KCNAB1: variants seen among roughly 807,000 people sequenced by gnomAD.
KCNAB1 encodes voltage-gated potassium channel subunit beta-1.
Under a neutral mutation model 64.6 loss-of-function variants are expected in KCNAB1, and 35 were observed. That is an observed-to-expected ratio of 0.54 (90% CI 0.41 to 0.72). The LOEUF (loss-of-function observed/expected upper bound fraction) is 0.72, where lower values mean the gene tolerates loss of function less well. KCNAB1 is among the 30% of genes least tolerant of loss of function. The pLI is 0.00. For missense variants in KCNAB1, 401 were observed against 512.9 expected, an observed-to-expected ratio of 0.78 and a Z score of 2.11; for synonymous variants, 177 against 183.8, an observed-to-expected ratio of 0.96 and a Z score of 0.30.
intron 2 of KCNAB1, among the ~76,000 whole-genome samples, chr3:156,442,182 T>C (rs1009929894): frequency 2.6e-5 from 4 of 152,244 alleles, no homozygotes; most frequent in African/African-American, 4.8e-5. Context: ...TTTAAGTTAC[T>C]ACATATCATG....
At chr3:156,345,062 G>GTTTATTTATT (rs1314566376) in intron 1 of KCNAB1, among the ~76,000 whole-genome samples, 1 of 152,156 alleles carries the variant, frequency 6.6e-6, no homozygotes, top group African/African-American at 2.4e-5. Context: ...TTATTTACTT[G>GTTTATTTATT]TACCTTAATT....
chr3:156,141,711 A>C (rs1714717613), intron 1 of KCNAB1, among the ~76,000 whole-genome samples: 1 of 152,258 alleles, frequency 6.6e-6, no homozygotes, highest in African/African-American at 2.4e-5. Flanking sequence ...TATTATGAAT[A>C]AAGATGTTAT....
intron 1 of KCNAB1, among the ~76,000 whole-genome samples, chr3:156,140,434 T>A (rs58648106): frequency 0.024 from 3,703 of 152,266 alleles, 167 homozygotes; most frequent in African/African-American, 0.084. Context: ...CTCTTCCCGG[T>A]TGAAGGGCCG....
chr3:156,143,791 T>A (rs994255370), intron 1 of KCNAB1, among the ~76,000 whole-genome samples: 18 of 151,460 alleles, frequency 1.2e-4, no homozygotes, highest in Non-Finnish European at 2.7e-4. Context: ...AGTAGAATTT[T>A]TTTTTTTAAT....
At chr3:156,121,626 T>C (rs1275374459) in intron 1 of KCNAB1, among the ~76,000 whole-genome samples, 2 of 152,068 alleles carry the variant, frequency 1.3e-5, no homozygotes, top group African/African-American at 4.8e-5. Flanking sequence ...CTATAATTTG[T>C]GCAAAAAATC....
chr3:156,137,797 C>T (rs1453328181), intron 1 of KCNAB1, among the ~76,000 whole-genome samples: 2 of 151,274 alleles, frequency 1.3e-5, no homozygotes, highest in Admixed American at 6.6e-5. Flanking sequence ...CTCAGATGAT[C>T]CACCTACCTC....
At chr3:156,274,106 C>T (rs1719193822) in intron 1 of KCNAB1, among the ~76,000 whole-genome samples, 1 of 152,074 alleles carries the variant, frequency 6.6e-6, no homozygotes, top group Admixed American at 6.5e-5. Context: ...ATAGATGATA[C>T]ACAAAGAGGA....
rs151316026 is a variant in KCNAB1 at position 156,208,864 on chromosome 3, G to A, written c.275+87978G>A. ...CCTCACTCATTCATACCTATTGGAA[G>A]TGGCCATCAGGCTTAATGAGAAATC... On this transcript the variant is annotated intron_variant, in intron 1 of 13. Coordinates refer to ENST00000490337, the MANE Select transcript of KCNAB1 (RefSeq NM_172160.3). Among the ~76,000 whole-genome samples, 423 of 152,302 alleles carry A rather than the reference G, an allele frequency of 2.8e-3. 3 individuals carry two copies. Among genetic ancestry groups the A allele is most frequent in the African/African-American group, 9.4e-3 (391 of 41,562 alleles).
At chr3:156,336,320 C>T (rs1723706807) in intron 1 of KCNAB1, among the ~76,000 whole-genome samples, 1 of 152,106 alleles carries the variant, frequency 6.6e-6, no homozygotes, top group Admixed American at 6.5e-5. Flanking sequence ...TGAGATCGTA[C>T]CACTGCACTC....
At chr3:156,506,363 C>T (rs376570446) in intron 8 of KCNAB1, among the ~76,000 whole-genome samples, 7 of 152,084 alleles carry the variant, frequency 4.6e-5, no homozygotes, top group South Asian at 2.1e-4. Context: ...CTGTTCAGAG[C>T]CTTTGGACTT....
intron 1 of KCNAB1, among the ~76,000 whole-genome samples, chr3:156,265,552 C>G (rs962675305): frequency 6.6e-6 from 1 of 152,206 alleles, no homozygotes; most frequent in Non-Finnish European, 1.5e-5. Context: ...ACTGCTGTCC[C>G]TGGGAAAAGG....
intron 1 of KCNAB1, among the ~76,000 whole-genome samples, chr3:156,124,430 TG>T (rs1713530818): frequency 6.6e-6 from 1 of 152,082 alleles, no homozygotes; most frequent in African/African-American, 2.4e-5. Context: ...TTGGCCAGGC[TG>T]GTCTTGAACT....
chr3:156,352,498 GA>G (rs1350927355), intron 1 of KCNAB1, among the ~76,000 whole-genome samples: 1 of 152,200 alleles, frequency 6.6e-6, no homozygotes, highest in African/African-American at 2.4e-5. Flanking sequence ...TCACACAGTT[GA>G]AAAGGACTTT....
chr3:156,324,159 T>A (rs989897569), intron 1 of KCNAB1, among the ~76,000 whole-genome samples: 1 of 152,148 alleles, frequency 6.6e-6, no homozygotes, highest in Admixed American at 6.5e-5. Context: ...TCTGAATTAA[T>A]AGAAAAATTG....
At chr3:156,391,781 A>G (rs927488862) in intron 1 of KCNAB1, among the ~76,000 whole-genome samples, 2 of 152,218 alleles carry the variant, frequency 1.3e-5, no homozygotes, top group Non-Finnish European at 2.9e-5. Context: ...AGCAATCCCA[A>G]CTGTATTTAC....
chr3:156,359,227 A>G (rs1436018815), intron 1 of KCNAB1, among the ~76,000 whole-genome samples: 3 of 152,206 alleles, frequency 2.0e-5, no homozygotes, highest in African/African-American at 7.2e-5. Flanking sequence ...GATTTTTTCC[A>G]GTGGTCACTC....
intron 1 of KCNAB1, among the ~76,000 whole-genome samples, chr3:156,236,380 G>A (rs1412588896): frequency 1.3e-5 from 2 of 152,172 alleles, no homozygotes; most frequent in Admixed American, 6.5e-5. Flanking sequence ...AGATTTGCAA[G>A]AACATGGATT....
intron 1 of KCNAB1, among the ~76,000 whole-genome samples, chr3:156,281,069 T>C (rs1203944564): frequency 6.6e-6 from 1 of 151,736 alleles, no homozygotes; most frequent in African/African-American, 2.4e-5. Context: ...GCCTCCAGTT[T>C]TTGCCCATTC....
intron 1 of KCNAB1, among the ~76,000 whole-genome samples, chr3:156,283,449 G>C (rs1241300393): frequency 6.7e-6 from 1 of 148,804 alleles, no homozygotes; most frequent in African/African-American, 2.5e-5. Flanking sequence ...GTGTCTTGGA[G>C]TTGCTCTTCT....
Sources: gnomAD v4.1 joint callset for allele counts (sites outside exome capture counted in the v4.1 genomes callset) on GRCh38, gnomAD v4.1.1 for gene constraint, MANE v1.5 for transcripts, NCBI Gene and HGNC (gene_info 2026-07-23, HGNC 2026-07-21) for gene names.